KLHL2: variants seen among roughly 807,000 people sequenced by gnomAD.
The protein encoded by KLHL2 is kelch like family member 2, also known as kelch-like protein 2.
Under a neutral mutation model 75.8 loss-of-function variants are expected in KLHL2, and 15 were observed. That is an observed-to-expected ratio of 0.20 (90% CI 0.13 to 0.30). The LOEUF (loss-of-function observed/expected upper bound fraction) is 0.30, where lower values mean the gene tolerates loss of function less well. Among genes scored for constraint, KLHL2 ranks in the 10% least tolerant of loss-of-function variants. KLHL2 has a pLI of 1.00. For missense variants in KLHL2, 381 were observed against 741.0 expected, an observed-to-expected ratio of 0.51 and a Z score of 5.64; for synonymous variants, 214 against 251.9, an observed-to-expected ratio of 0.85 and a Z score of 1.42.
At position 165,207,910 on chromosome 4, in the gene KLHL2, A is replaced by AGCGG. The variant is rs754870603; in HGVS notation, c.26+19_26+22dup. ...GCCGCCGCTGCCTCCCGCGTGAGTGAGCGGGCGGGCGGGCTGCGCCGCTGC... is the reference window on the plus strand; with the variant it reads ...GCCGCCGCTGCCTCCCGCGTGAGTGAGCGGGCGGGCGGGCGGGCTGCGCCGCTGC... On this transcript the variant is annotated intron_variant, in intron 1 of 14. Coordinates refer to ENST00000226725, the MANE Select transcript of KLHL2 (RefSeq NM_007246.4). This position sits in a 1 kb window ranked among gnomAD's most constrained non-coding sequence, Gnocchi z 4.2. 1.5e-5 allele frequency: 22 copies of AGCGG among 1,426,270 alleles called. No individual in the cohort carries two copies. Among genetic ancestry groups the AGCGG allele is most frequent in the Middle Eastern group, 2.4e-4 (1 of 4,226 alleles). The allele number at this position is 1,426,270 out of a possible 1,614,324, so 88.4% of individuals were successfully genotyped here.
At chr4:165,222,829 C>T (rs1458738322) in intron 2 of KLHL2, among the ~76,000 whole-genome samples, 1 of 152,184 alleles carries the variant, frequency 6.6e-6, no homozygotes, top group Admixed American at 6.5e-5. Context: ...CTTCCTTGTT[C>T]TCACCACTCT....
intron 5 of KLHL2, among the ~76,000 whole-genome samples, chr4:165,293,439 C>T (rs997535466): frequency 1.3e-5 from 2 of 151,276 alleles, no homozygotes; most frequent in African/African-American, 4.9e-5. Flanking sequence ...GAATTTGATC[C>T]GAAATAAACT....
At chr4:165,303,726 C>T (rs1224582592) in intron 8 of KLHL2, among the ~76,000 whole-genome samples, 1 of 152,058 alleles carries the variant, frequency 6.6e-6, no homozygotes, top group Non-Finnish European at 1.5e-5. Flanking sequence ...TCATGCCTGG[C>T]TAATTTTTGT....
chr4:165,209,032 A>G (rs1362201378), intron 1 of KLHL2, among the ~76,000 whole-genome samples: 5 of 152,212 alleles, frequency 3.3e-5, no homozygotes, highest in African/African-American at 1.2e-4. Context: ...ACAGTTTCTA[A>G]AAGTGCGTTT....
At chr4:165,270,013 C>A (rs1742560058) in intron 5 of KLHL2, among the ~76,000 whole-genome samples, 1 of 152,074 alleles carries the variant, frequency 6.6e-6, no homozygotes, top group Non-Finnish European at 1.5e-5. Context: ...AGGCTTTGTT[C>A]ATTTCTTTTC....
chr4:165,262,989 C>A (rs1490062907), intron 4 of KLHL2, among the ~76,000 whole-genome samples: 1 of 152,048 alleles, frequency 6.6e-6, no homozygotes, highest in Non-Finnish European at 1.5e-5. Context: ...GGAGAAGAGG[C>A]CTTTGAAAGA....
At chr4:165,242,419 A>T (rs1422602725) in intron 4 of KLHL2, among the ~76,000 whole-genome samples, 4 of 152,226 alleles carry the variant, frequency 2.6e-5, no homozygotes, top group Non-Finnish European at 5.9e-5. Context: ...TTTTCAATAC[A>T]CTTTCAGAGA....
chr4:165,301,424 T>C (rs1169407482), intron 8 of KLHL2, among the ~76,000 whole-genome samples: 1 of 152,254 alleles, frequency 6.6e-6, no homozygotes, highest in Admixed American at 6.5e-5. Context: ...TCCTCAGTTC[T>C]CTGAGATTTT....
intron 4 of KLHL2, among the ~76,000 whole-genome samples, chr4:165,251,615 G>GTTTT (rs757789262): frequency 8.5e-5 from 11 of 129,806 alleles, no homozygotes; most frequent in Non-Finnish European, 1.1e-4. Context: ...TTTTTTTTTT[G>GTTTT]TTTTTTTTTT....
intron 1 of KLHL2, among the ~76,000 whole-genome samples, chr4:165,212,062 A>G (rs1737232420): frequency 6.6e-6 from 1 of 152,114 alleles, no homozygotes; most frequent in Admixed American, 6.6e-5. Flanking sequence ...TTTATGTTGC[A>G]TTTCTGTAGT....
chr4:165,208,296 T>C (rs969389559), intron 1 of KLHL2: 4 of 158,314 alleles, frequency 2.5e-5, no homozygotes, highest in African/African-American at 9.6e-5. Context: ...AAAAGGAAAC[T>C]GGAAAGTACC....
chr4:165,278,950 A>T (rs770986008), intron 5 of KLHL2: 12 of 1,463,942 alleles, frequency 8.2e-6, no homozygotes, highest in Non-Finnish European at 1.2e-5. Context: ...AACTCCGAAC[A>T]TGTGGAAGAA....
At chr4:165,278,871 C>G (rs767352962) in intron 5 of KLHL2, 2 of 1,496,564 alleles carry the variant, frequency 1.3e-6, no homozygotes, top group Admixed American at 3.3e-5. Context: ...GCAGACTGGT[C>G]CCCTAAACAC....
At chr4:165,256,527 C>A (rs1192537663) in intron 4 of KLHL2, among the ~76,000 whole-genome samples, 3 of 152,182 alleles carry the variant, frequency 2.0e-5, no homozygotes, top group African/African-American at 7.2e-5. Context: ...CCTTTCAACA[C>A]GCCAAAGTGA....
chr4:165,293,813 G>A (rs1157148106), intron 5 of KLHL2, among the ~76,000 whole-genome samples: 1 of 151,874 alleles, frequency 6.6e-6, no homozygotes, highest in Non-Finnish European at 1.5e-5. Flanking sequence ...ACTGCGCCCG[G>A]CCCAATTCTC....
chr4:165,267,544 G>A lies in KLHL2; in HGVS notation c.544+4185G>A, dbSNP rs1461635342. 5.9e-5 allele frequency among the ~76,000 whole-genome samples: 9 copies of A among 152,126 alleles called. No homozygotes were observed. In the East Asian group the frequency reaches 1.7e-3, roughly 29 times the overall value. ...GAAGGGCTGTTGAATTTTGTCAAAG[G>A]CCTTTTCTGCATCTATTGGGATAAT... is the stretch of plus-strand genomic sequence containing the variant. On this transcript the variant is annotated intron_variant, in intron 5 of 14. Transcript: ENST00000226725.
intron 4 of KLHL2, among the ~76,000 whole-genome samples, chr4:165,255,107 C>T (rs888763201): frequency 1.3e-5 from 2 of 152,178 alleles, no homozygotes; most frequent in African/African-American, 2.4e-5. Flanking sequence ...TAAGAGAAAC[C>T]TTGGGTTAAA....
At chr4:165,279,705 G>GGGGGA (rs1405715271) in intron 5 of KLHL2, 2 of 1,355,776 alleles carry the variant, frequency 1.5e-6, no homozygotes, top group African/African-American at 2.9e-5. Context: ...GGCGGCGGGA[G>GGGGGA]GGGGAGGGGA....
intron 1 of KLHL2, among the ~76,000 whole-genome samples, chr4:165,217,669 C>T (rs1737643744): frequency 6.6e-6 from 1 of 152,110 alleles, no homozygotes; most frequent in Non-Finnish European, 1.5e-5. Context: ...AGTGCTGATT[C>T]TGGGGTTTGG....
Sources: gnomAD v4.1 joint callset for allele counts (sites outside exome capture counted in the v4.1 genomes callset) on GRCh38, gnomAD v4.1.1 for gene constraint, Gnocchi (gnomAD v3.1) non-coding constraint, MANE v1.5 for transcripts, NCBI Gene and HGNC (gene_info 2026-07-23, HGNC 2026-07-21) for gene names.